Variants in CELF1 observed in about 807,000 individuals in gnomAD.
CELF1 encodes the protein 50 kDa nuclear polyadenylated RNA-binding protein.
Under a neutral mutation model 61.8 loss-of-function variants are expected in CELF1, and 10 were observed. That is an observed-to-expected ratio of 0.16 (90% confidence interval 0.10 to 0.27). CELF1 has a LOEUF of 0.27. CELF1 is among the 10% of genes least tolerant of loss of function. The pLI is 1.00. For synonymous variants in CELF1, 236 were observed against 225.1 expected, an observed-to-expected ratio of 1.05 and a Z score of -0.43; for missense variants, 380 against 639.1, an observed-to-expected ratio of 0.59 and a Z score of 4.37.
chr11:47,471,969 AAAAC>A lies in CELF1; in HGVS notation c.*257_*260del. ...TTTAAATAAAGGAGAAACAAAAACA[AAAAC>A]AAAAAAAACCTCAGGATATGGCACC... On this transcript the variant is annotated 3_prime_UTR_variant, in exon 15 of 15. Transcript: ENST00000687097. 1 of 381,288 alleles carries A rather than the reference AAAAC, an allele frequency of 2.6e-6. No homozygotes were observed. The highest frequency in any genetic ancestry group is 6.1e-5 in the South Asian group (1 of 16,326). The allele number at this position is 381,288 out of a possible 1,614,324, so 23.6% of individuals were successfully genotyped here.
At chr11:47,540,601 CA>C (rs1214480198) in intron 1 of CELF1, among the ~76,000 whole-genome samples, 1 of 152,110 alleles carries the variant, frequency 6.6e-6, no homozygotes, top group Non-Finnish European at 1.5e-5. Context: ...ATCAGGCAAG[CA>C]GGCTGGGCGC....
At chr11:47,550,660 GGTGA>G (rs1205075800) in intron 1 of CELF1, among the ~76,000 whole-genome samples, 2 of 151,986 alleles carry the variant, frequency 1.3e-5, no homozygotes, top group Non-Finnish European at 2.9e-5. Flanking sequence ...TGGCACTATG[GGTGA>G]GTTTCTTCAT....
intron 1 of CELF1, chr11:47,524,443 T>A (rs2096128471): frequency 6.6e-6 from 1 of 152,084 alleles, no homozygotes; most frequent in Admixed American, 6.6e-5. Flanking sequence ...CCTCACCCCA[T>A]CCCTAACAAC....
intron 9 of CELF1, among the ~76,000 whole-genome samples, chr11:47,481,274 C>A (rs549993284): frequency 6.6e-6 from 1 of 151,590 alleles, no homozygotes; most frequent in Non-Finnish European, 1.5e-5. Flanking sequence ...ATTACAGGCA[C>A]CTGCCACCAC....
At chr11:47,494,043 T>C (rs757553737) in intron 3 of CELF1, among the ~76,000 whole-genome samples, 4 of 152,258 alleles carry the variant, frequency 2.6e-5, no homozygotes, top group African/African-American at 9.6e-5. Flanking sequence ...GAGTTATGTA[T>C]ATTTATCATC....
At chr11:47,546,547 GAACA>G (rs1334393293) in intron 1 of CELF1, among the ~76,000 whole-genome samples, 2 of 152,040 alleles carry the variant, frequency 1.3e-5, no homozygotes, top group African/African-American at 2.4e-5. Context: ...CTTCACACTA[GAACA>G]AACTGAGAGA....
chr11:47,550,291 G>C (rs2153768049), intron 1 of CELF1, among the ~76,000 whole-genome samples: 1 of 152,158 alleles, frequency 6.6e-6, no homozygotes, highest in East Asian at 1.9e-4. Flanking sequence ...AGTACTTTGG[G>C]AGGCTGAGGT....
chr11:47,507,403 C>T (rs1037127741), intron 1 of CELF1, among the ~76,000 whole-genome samples: 4 of 152,082 alleles, frequency 2.6e-5, no homozygotes, highest in East Asian at 1.9e-4. Flanking sequence ...AAAGCAACCA[C>T]GTTCCTGCCA....
intron 7 of CELF1, 103 bp downstream of exon 7, chr11:47,484,286 G>T: frequency 1.5e-6 from 2 of 1,305,432 alleles, no homozygotes; most frequent in Non-Finnish European, 2.1e-6. Context: ...CTGCACTCCA[G>T]CCTGGGTGAG....
chr11:47,478,965 C>T lies in CELF1; in HGVS notation c.769-13G>A. 6.2e-7 allele frequency: 1 copy of T among 1,606,292 alleles called. No homozygotes were observed. The highest frequency in any genetic ancestry group is 8.5e-7 in the Non-Finnish European group (1 of 1,175,710). On this transcript the variant is annotated splice_polypyrimidine_tract_variant and intron_variant, in intron 9 of 14. Coordinates refer to ENST00000687097, the MANE Select transcript of CELF1 (RefSeq NM_001376376.1). ...GCTGCAAATAAAGCTAGACATTACA[C>T]CAAAAAACAGAACAAGAGTGAGAGT...
At chr11:47,562,633 T>A (rs893888950) in intron 2 of CELF1, among the ~76,000 whole-genome samples, 1 of 150,548 alleles carries the variant, frequency 6.6e-6, no homozygotes, top group South Asian at 2.1e-4. Flanking sequence ...AGACCTGTAA[T>A]CCCAGTACTT....
chr11:47,494,304 T>C (rs1003985891), intron 3 of CELF1: 7 of 779,248 alleles, frequency 9.0e-6, no homozygotes, highest in East Asian at 1.3e-4. Flanking sequence ...TTTCTACTAC[T>C]GGCAGCAGAA....
chr11:47,506,415 C>T (rs913895206), intron 1 of CELF1, among the ~76,000 whole-genome samples: 12 of 151,124 alleles, frequency 7.9e-5, no homozygotes, highest in Admixed American at 2.0e-4. Context: ...GGTGACAGAG[C>T]GAGACTCCGG....
chr11:47,510,263 A>T (rs2095006318), intron 1 of CELF1, among the ~76,000 whole-genome samples: 1 of 152,204 alleles, frequency 6.6e-6, no homozygotes, highest in African/African-American at 2.4e-5. Flanking sequence ...AGGCAAGGTA[A>T]TAAGCTCTTT....
chr11:47,543,361 G>C (rs1374044009), intron 1 of CELF1, among the ~76,000 whole-genome samples: 1 of 152,006 alleles, frequency 6.6e-6, no homozygotes, highest in Middle Eastern at 3.4e-3. Flanking sequence ...CCACGATAAC[G>C]CCACTGCACT....
At chr11:47,550,530 G>A (rs1176486568) in intron 1 of CELF1, among the ~76,000 whole-genome samples, 2 of 152,002 alleles carry the variant, frequency 1.3e-5, no homozygotes, top group African/African-American at 4.8e-5. Flanking sequence ...GGGGGGGACC[G>A]GACCCACATC....
At chr11:47,539,225 T>C (rs527850726) in intron 1 of CELF1, among the ~76,000 whole-genome samples, 4 of 152,140 alleles carry the variant, frequency 2.6e-5, no homozygotes, top group African/African-American at 7.2e-5. Context: ...TATAAAAAAC[T>C]TGTTAAAAAA....
At chr11:47,532,873 AC>A (rs1330594754) in intron 1 of CELF1, among the ~76,000 whole-genome samples, 2 of 152,042 alleles carry the variant, frequency 1.3e-5, no homozygotes, top group African/African-American at 4.8e-5. Context: ...AGAAATTAAA[AC>A]CTTTAAACTT....
intron 1 of CELF1, among the ~76,000 whole-genome samples, chr11:47,510,010 C>T (rs2094958643): frequency 1.3e-5 from 2 of 151,300 alleles, no homozygotes; most frequent in South Asian, 2.1e-4. Context: ...TGCAGTGAGC[C>T]GAGATCCCGC....
Sources: allele counts gnomAD v4.1 joint callset (sites outside exome capture counted in the v4.1 genomes callset), GRCh38; gene constraint gnomAD v4.1.1; transcripts MANE v1.5; gene names NCBI Gene and HGNC (gene_info 2026-07-23, HGNC 2026-07-21).